The following GNG4 variants were observed in gnomAD, a reference collection of about 807,000 sequenced individuals.
The protein encoded by GNG4 is G protein subunit gamma 4.
GNG4 carries 4 observed loss-of-function variants against 5.8 expected under a neutral mutation model. The observed-to-expected ratio is 0.69, with a 90% CI of 0.34 to 1.57. The LOEUF (loss-of-function observed/expected upper bound fraction) is 1.57, where lower values mean the gene tolerates loss of function less well. GNG4 is among the 40% of genes most tolerant of loss of function. The pLI is 0.06. For missense variants in GNG4, 96 were observed against 95.1 expected (o/e 1.01, Z -0.04); for synonymous variants, 29 against 32.9 (o/e 0.88, Z 0.41).
intron 1 of GNG4, among the ~76,000 whole-genome samples, chr1:235,600,753 A>C (rs967452193): frequency 6.6e-6 from 1 of 152,222 alleles, no homozygotes; most frequent in African/African-American, 2.4e-5. Context: ...ACTAAATTTT[A>C]CCATGATGTT....
intron 1 of GNG4, among the ~76,000 whole-genome samples, chr1:235,598,387 T>C (rs1688176070): frequency 6.6e-6 from 1 of 152,166 alleles, no homozygotes; most frequent in Non-Finnish European, 1.5e-5. Flanking sequence ...CAGCGGAGGA[T>C]TGTTTGAGCC....
At chr1:235,624,625 C>T (rs1479515602) in intron 1 of GNG4, among the ~76,000 whole-genome samples, 1 of 152,104 alleles carries the variant, frequency 6.6e-6, no homozygotes, top group Non-Finnish European at 1.5e-5. Flanking sequence ...TTTTTACATT[C>T]CTGAAGAATT....
chr1:235,551,893 TTTTC>T lies in GNG4; in HGVS notation c.*212_*215del, dbSNP rs531662409. On this transcript the variant is annotated 3_prime_UTR_variant, in exon 4 of 4. Coordinates refer to ENST00000391854, the MANE Select transcript of GNG4 (RefSeq NM_001098722.2). Reference sequence around the variant, plus strand: ...TGTTATTTGGCTATAAACATTTTGATTTTCTTTGCCAATAATGAAAATAACATGA... The same window carrying T: ...TGTTATTTGGCTATAAACATTTTGATTTTGCCAATAATGAAAATAACATGA... The T allele has an allele frequency of 8.9e-5, 39 of 438,006 alleles. No individual in the cohort carries two copies. Among genetic ancestry groups the T allele is most frequent in the South Asian group, 8.8e-4 (30 of 34,048 alleles). 27.1% of individuals were successfully genotyped at this position (438,006 alleles called of 1,614,324 possible).
chr1:235,587,431 A>G (rs1442495464), intron 2 of GNG4, among the ~76,000 whole-genome samples: 2 of 21,088 alleles, frequency 9.5e-5, no homozygotes, highest in African/African-American at 4.3e-4. Context: ...TGTGTGTGTG[A>G]GGGTGGGTGA....
chr1:235,619,105 C>T (rs1688654976), intron 1 of GNG4, among the ~76,000 whole-genome samples: 1 of 134,958 alleles, frequency 7.4e-6, no homozygotes, highest in African/African-American at 2.8e-5. Flanking sequence ...TTCAAGACCA[C>T]CCTCGGCAAC....
At chr1:235,609,060 T>C (rs1046252196) in intron 1 of GNG4, among the ~76,000 whole-genome samples, 1 of 152,126 alleles carries the variant, frequency 6.6e-6, no homozygotes, top group Non-Finnish European at 1.5e-5. Context: ...CTCAAACACC[T>C]GGCTCCAAGC....
chr1:235,555,040 G>A (rs1178909622), intron 3 of GNG4, among the ~76,000 whole-genome samples: 6 of 152,162 alleles, frequency 3.9e-5, no homozygotes, highest in South Asian at 4.1e-4. Context: ...GAGGATGCAA[G>A]AGAAAGAATA....
chr1:235,620,463 G>A (rs991899685), intron 1 of GNG4, among the ~76,000 whole-genome samples: 12 of 152,262 alleles, frequency 7.9e-5, no homozygotes, highest in African/African-American at 2.7e-4. Context: ...TCTCCTGACT[G>A]TAAGTTGCCG....
At chr1:235,568,581 A>T (rs553044337) in intron 3 of GNG4, among the ~76,000 whole-genome samples, 5 of 152,300 alleles carry the variant, frequency 3.3e-5, no homozygotes, top group South Asian at 4.1e-4. Flanking sequence ...GTTGCCATGG[A>T]CATAAATGGC....
intron 3 of GNG4, among the ~76,000 whole-genome samples, chr1:235,561,096 A>G (rs1371059348): frequency 2.0e-5 from 3 of 152,116 alleles, no homozygotes; most frequent in Admixed American, 2.0e-4. Flanking sequence ...TGCAAGCTCC[A>G]CCTCACGGGT....
chr1:235,579,690 T>A (rs1244745452), intron 3 of GNG4, among the ~76,000 whole-genome samples: 1 of 151,610 alleles, frequency 6.6e-6, no homozygotes, highest in East Asian at 1.9e-4. Flanking sequence ...CTGTCTCTAC[T>A]AAAAACAAAA....
intron 3 of GNG4, among the ~76,000 whole-genome samples, chr1:235,572,392 G>T (rs1234289904): frequency 6.6e-6 from 1 of 151,794 alleles, no homozygotes; most frequent in Non-Finnish European, 1.5e-5. Flanking sequence ...TAGAGACGGG[G>T]TTTCACCATC....
chr1:235,619,965 T>C (rs768749898), intron 1 of GNG4, among the ~76,000 whole-genome samples: 5 of 152,218 alleles, frequency 3.3e-5, no homozygotes, highest in South Asian at 2.1e-4. Flanking sequence ...CTTTAACAAA[T>C]TGAAAAATAA....
At chr1:235,631,745 T>A (rs370860226) in intron 1 of GNG4, among the ~76,000 whole-genome samples, 30 of 148,294 alleles carry the variant, frequency 2.0e-4, no homozygotes, top group African/African-American at 7.4e-4. Flanking sequence ...TTTTTGTATT[T>A]TTAGTAGAGA....
chr1:235,581,188 G>C (rs1687625474), intron 3 of GNG4, among the ~76,000 whole-genome samples: 1 of 152,150 alleles, frequency 6.6e-6, no homozygotes, highest in Admixed American at 6.5e-5. Context: ...CATGGGGGTG[G>C]TTTCTCATGA....
intron 3 of GNG4, among the ~76,000 whole-genome samples, chr1:235,564,633 T>C (rs608735): frequency 0.69 from 105,379 of 152,096 alleles, 37,018 homozygotes; most frequent in East Asian, 0.86. Flanking sequence ...TTACATCATA[T>C]AGATTTCTGA....
intron 2 of GNG4, among the ~76,000 whole-genome samples, chr1:235,592,149 G>A (rs1414744061): frequency 6.6e-6 from 1 of 152,158 alleles, no homozygotes; most frequent in Non-Finnish European, 1.5e-5. Context: ...TGAATCAGCT[G>A]GCACAGAGAC....
chr1:235,645,515 A>G lies in GNG4; in HGVS notation c.-123+4147T>C, dbSNP rs114245763. Among the ~76,000 whole-genome samples, 625 of 152,284 alleles carry G rather than the reference A, an allele frequency of 4.1e-3. 7 individuals carry two copies. Among genetic ancestry groups the G allele is most frequent in the African/African-American group, 0.015 (605 of 41,554 alleles). On this transcript the variant is annotated intron_variant, in intron 1 of 3. Transcript: ENST00000391854. ...TAGAGGTGCTTGAATAAGAATGTTC[A>G]GGCTGGGCATGGTGGCTCACACCTG...
At chr1:235,557,083 C>T (rs1686932121) in intron 3 of GNG4, among the ~76,000 whole-genome samples, 1 of 152,148 alleles carries the variant, frequency 6.6e-6, no homozygotes, top group Non-Finnish European at 1.5e-5. Context: ...TCCTGCTGTG[C>T]GGCCCGGTTC....
Sources: allele counts gnomAD v4.1 joint callset (sites outside exome capture counted in the v4.1 genomes callset), GRCh38; gene constraint gnomAD v4.1.1; transcripts MANE v1.5; gene names NCBI Gene and HGNC (gene_info 2026-07-23, HGNC 2026-07-21).